SCAPER: variants seen among roughly 807,000 people sequenced by gnomAD.
SCAPER encodes the protein S-phase cyclin A associated protein in the ER.
A neutral mutation model predicts 182.2 loss-of-function variants in SCAPER; 98 were observed. That is an observed-to-expected ratio of 0.54 (90% confidence interval 0.46 to 0.64). The LOEUF (loss-of-function observed/expected upper bound fraction) is 0.64, where lower values mean the gene tolerates loss of function less well. SCAPER is among the 30% of genes least tolerant of loss of function. The pLI is 0.00. For missense variants in SCAPER, 1,432 were observed against 1,690.0 expected (o/e 0.85, Z 2.68); for synonymous variants, 605 against 564.6 (o/e 1.07, Z -1.01).
intron 24 of SCAPER, among the ~76,000 whole-genome samples, chr15:76,496,312 T>C (rs2040533623): frequency 6.6e-6 from 1 of 152,034 alleles, no homozygotes; most frequent in Non-Finnish European, 1.5e-5. Context: ...CACTTTTCAG[T>C]TGTTTGTAAA....
intron 24 of SCAPER, chr15:76,472,371 G>T: frequency 1.4e-6 from 1 of 711,170 alleles, no homozygotes; most frequent in South Asian, 1.3e-5. Context: ...CAAGTGAAGC[G>T]TGTGCATTTT....
intron 23 of SCAPER, among the ~76,000 whole-genome samples, chr15:76,537,776 C>T (rs1205310357): frequency 3.3e-5 from 5 of 152,256 alleles, no homozygotes; most frequent in Admixed American, 1.3e-4. Flanking sequence ...TCAGAGTGAA[C>T]AGGCAACCTA....
At chr15:76,490,329 C>T (rs2052166863) in intron 24 of SCAPER, among the ~76,000 whole-genome samples, 1 of 152,126 alleles carries the variant, frequency 6.6e-6, no homozygotes, top group African/African-American at 2.4e-5. Context: ...AACGACCATC[C>T]TAATGGGTGT....
chr15:76,352,367 G>A (rs1279735026), intron 30 of SCAPER, among the ~76,000 whole-genome samples: 1 of 151,520 alleles, frequency 6.6e-6, no homozygotes, highest in African/African-American at 2.4e-5. Flanking sequence ...ATTTGTTGCT[G>A]TATTTGCAGT....
At chr15:76,717,009 A>G (rs188011317) in intron 17 of SCAPER, among the ~76,000 whole-genome samples, 3 of 152,088 alleles carry the variant, frequency 2.0e-5, no homozygotes, top group Non-Finnish European at 4.4e-5. Flanking sequence ...AAGACAATGA[A>G]ATAGTTTTAA....
At chr15:76,849,661 A>G (rs1362409196) in intron 4 of SCAPER, among the ~76,000 whole-genome samples, 1 of 152,234 alleles carries the variant, frequency 6.6e-6, no homozygotes, top group Non-Finnish European at 1.5e-5. Flanking sequence ...CCACACGACC[A>G]AGGAAGAAGC....
At chr15:76,384,890 G>A (rs868688944) in intron 27 of SCAPER, among the ~76,000 whole-genome samples, 7 of 152,170 alleles carry the variant, frequency 4.6e-5, no homozygotes, top group African/African-American at 1.7e-4. Flanking sequence ...AAGCCTAAAT[G>A]TTTATAAGAA....
chr15:76,439,428 A>C (rs1346410987), intron 25 of SCAPER, among the ~76,000 whole-genome samples: 1 of 152,260 alleles, frequency 6.6e-6, no homozygotes, highest in Non-Finnish European at 1.5e-5. Flanking sequence ...TATTCAAAGC[A>C]GTATACTGCA....
At position 76,818,477 on chromosome 15, in the gene SCAPER, G is replaced by A. The variant is rs961391848; in HGVS notation, c.394-13844C>T. Reference sequence around the variant, plus strand: ...GACCTCATTAAAATCAAAAACTTCTGCTCTGCAAAAAACAATATTGAGAGA... The same window carrying A: ...GACCTCATTAAAATCAAAAACTTCTACTCTGCAAAAAACAATATTGAGAGA... On this transcript the variant is annotated intron_variant, in intron 5 of 31. Transcript: ENST00000563290. Among the ~76,000 whole-genome samples, 3 of 152,096 alleles carry A rather than the reference G, an allele frequency of 2.0e-5. No homozygotes were observed. The East Asian group carries it at 5.8e-4, about 29-fold the overall frequency.
chr15:76,451,746 G>A (rs879307169), intron 25 of SCAPER, among the ~76,000 whole-genome samples: 1 of 152,156 alleles, frequency 6.6e-6, no homozygotes. Flanking sequence ...ACTTAGCTGT[G>A]TGTATGACCT....
At chr15:76,676,111 C>A (rs189703648) in intron 20 of SCAPER, among the ~76,000 whole-genome samples, 3 of 152,326 alleles carry the variant, frequency 2.0e-5, no homozygotes, top group Admixed American at 2.0e-4. Flanking sequence ...AGGCGTGAGC[C>A]ACTGTGCCCG....
At chr15:76,715,217 A>G (rs970081604) in intron 17 of SCAPER, among the ~76,000 whole-genome samples, 16 of 150,328 alleles carry the variant, frequency 1.1e-4, no homozygotes, top group African/African-American at 3.2e-4. Flanking sequence ...AGCACCTCAC[A>G]CTTCCAGGAG....
intron 28 of SCAPER, 58 bp downstream of exon 28, chr15:76,381,320 C>T: frequency 7.0e-7 from 1 of 1,425,628 alleles, no homozygotes; most frequent in Non-Finnish European, 9.7e-7. Context: ...GACATCCTAT[C>T]TACACTAAAA....
At position 76,354,403 on chromosome 15, in the gene SCAPER, C is replaced by G. The variant is rs1288719286; in HGVS notation, c.3856-263G>C. 2.8e-6 allele frequency: 1 copy of G among 361,760 alleles called. No individual in the cohort carries two copies. The highest frequency in any genetic ancestry group is 4.9e-6 in the Non-Finnish European group (1 of 203,526). 22.4% of individuals were successfully genotyped at this position (361,760 alleles called of 1,614,324 possible). A position where few individuals can be genotyped will look rare whatever the true frequency, so the allele number is the denominator to read the frequency against. ...TAATCCACGATTAAAGGTGTAGCTG[C>G]CACGGAGTAAGGACGCCTATGAAAT... On this transcript the variant is annotated intron_variant, in intron 29 of 31. Coordinates refer to ENST00000563290, the MANE Select transcript of SCAPER (RefSeq NM_020843.4). The surrounding 1 kb of genome is among the most constrained non-coding windows in gnomAD (Gnocchi z 4.4).
chr15:76,761,517 C>G (rs1357140713), intron 14 of SCAPER, among the ~76,000 whole-genome samples: 1 of 152,120 alleles, frequency 6.6e-6, no homozygotes, highest in African/African-American at 2.4e-5. Flanking sequence ...TGCTTCAAGG[C>G]ATTATTTAAA....
intron 1 of SCAPER, among the ~76,000 whole-genome samples, chr15:76,891,104 T>C (rs1310409370): frequency 6.6e-6 from 1 of 152,152 alleles, no homozygotes; most frequent in African/African-American, 2.4e-5. Context: ...AAAAGGCCTT[T>C]GACAAAATTC....
intron 22 of SCAPER, among the ~76,000 whole-genome samples, chr15:76,604,946 T>C (rs1360422266): frequency 6.6e-6 from 1 of 152,160 alleles, no homozygotes; most frequent in Non-Finnish European, 1.5e-5. Flanking sequence ...TGGGGTTTTC[T>C]AAATATACAA....
intron 22 of SCAPER, among the ~76,000 whole-genome samples, chr15:76,591,930 C>T (rs1264033190): frequency 6.6e-6 from 1 of 152,050 alleles, no homozygotes; most frequent in Non-Finnish European, 1.5e-5. Flanking sequence ...CAGGGTGGCG[C>T]ATGCCTGTAG....
intron 21 of SCAPER, among the ~76,000 whole-genome samples, chr15:76,645,673 A>T (rs1386143620): frequency 6.6e-6 from 1 of 152,108 alleles, no homozygotes; most frequent in Non-Finnish European, 1.5e-5. Flanking sequence ...GTTACTGTGG[A>T]CACTGCCTCA....
Sources: allele counts gnomAD v4.1 joint callset (sites outside exome capture counted in the v4.1 genomes callset), GRCh38; gene constraint gnomAD v4.1.1; non-coding constraint Gnocchi (gnomAD v3.1); transcripts MANE v1.5; gene names NCBI Gene and HGNC (gene_info 2026-07-23, HGNC 2026-07-21).